Variants in AMPH observed in about 807,000 individuals in gnomAD.
AMPH encodes the protein amphiphysin, also known as amphiphysin (Stiff-Mann syndrome with breast cancer 128kD autoantigen).
In AMPH, 49 loss-of-function variants were observed where a neutral mutation model predicts 99.1. The ratio of observed to expected loss-of-function variants is 0.49; its 90% CI spans 0.39 to 0.63. The LOEUF is 0.63. Among genes scored for constraint, AMPH ranks in the 20% least tolerant of loss-of-function variants. The probability of loss-of-function intolerance (pLI) is 0.00; values close to 1 mark genes in which losing one functional copy is unlikely to be tolerated. For missense variants in AMPH, 759 were observed against 863.4 expected (o/e 0.88, Z 1.52); for synonymous variants, 314 against 317.3 (o/e 0.99, Z 0.11).
intron 1 of AMPH, among the ~76,000 whole-genome samples, chr7:38,546,094 G>A (rs1790987286): frequency 6.6e-6 from 1 of 152,146 alleles, no homozygotes; most frequent in Non-Finnish European, 1.5e-5. Flanking sequence ...GATTGCTCAA[G>A]AAGGAACTCT....
At chr7:38,414,834 T>G (rs948323846) in intron 17 of AMPH, among the ~76,000 whole-genome samples, 2 of 152,092 alleles carry the variant, frequency 1.3e-5, no homozygotes, top group African/African-American at 4.8e-5. Context: ...CAGGCTAATT[T>G]TTGTATTTTT....
At chr7:38,407,072 ATATATGTGTGTGTGTGTGTG>A (rs1260153669) in intron 17 of AMPH, among the ~76,000 whole-genome samples, 1 of 32,128 alleles carries the variant, frequency 3.1e-5, no homozygotes, top group East Asian at 1.3e-3. Context: ...ATATATATAT[ATATATGTGTGTGTGTGTGTG>A]TGTGTGTGTG....
At chr7:38,429,387 G>A (rs866482982) in intron 14 of AMPH, 4 of 1,291,116 alleles carry the variant, frequency 3.1e-6, no homozygotes, top group East Asian at 5.5e-5. Flanking sequence ...CTCTGTTTCG[G>A]AGGGACATGC....
At chr7:38,614,262 G>A (rs1179533261) in intron 1 of AMPH, among the ~76,000 whole-genome samples, 1 of 152,122 alleles carries the variant, frequency 6.6e-6, no homozygotes, top group African/African-American at 2.4e-5. Flanking sequence ...TGATACTGGG[G>A]GCAACCTGCA....
chr7:38,534,961 T>C lies in AMPH; in HGVS notation c.120A>G (p.Glu40=), dbSNP rs757844315. Residue 40 remains glutamate, a synonymous_variant, in exon 2 of 21, where the codon GAA becomes GAG. Coordinates refer to ENST00000356264, the MANE Select transcript of AMPH (RefSeq NM_001635.4). ...GCCGTTTGAAGTTCTGGACATATTC[T>C]TCGAACTGTTCGTCTTTTGTCTCAT... ...KADETKDEQF[E]EYVQNFKRQE... is the part of the protein sequence containing the mutation. 1.2e-6 allele frequency: 2 copies of C among 1,614,182 alleles called. No individual in the cohort carries two copies. Among genetic ancestry groups the C allele is most frequent in the Admixed American group, 1.7e-5 (1 of 60,030 alleles).
intron 1 of AMPH, among the ~76,000 whole-genome samples, chr7:38,627,158 T>C (rs1272269236): frequency 2.0e-5 from 3 of 152,072 alleles, no homozygotes; most frequent in Non-Finnish European, 4.4e-5. Context: ...ACCCGTGGTC[T>C]TGGCCCTTGC....
chr7:38,466,081 TC>T, intron 8 of AMPH, 91 bp downstream of exon 8: 1 of 1,015,570 alleles, frequency 9.8e-7, no homozygotes, highest in Non-Finnish European at 1.5e-6. Context: ...AAGGGTGAAT[TC>T]TTTGGATAAT....
intron 11 of AMPH, among the ~76,000 whole-genome samples, chr7:38,441,834 T>C (rs1310124091): frequency 3.4e-5 from 3 of 88,236 alleles, no homozygotes; most frequent in African/African-American, 9.9e-5. Context: ...ATCATATATA[T>C]CATATATCAT....
At chr7:38,516,364 A>G (rs1789741322) in intron 2 of AMPH, among the ~76,000 whole-genome samples, 1 of 152,186 alleles carries the variant, frequency 6.6e-6, no homozygotes, top group Non-Finnish European at 1.5e-5. Flanking sequence ...CTCCAGCTCC[A>G]GTCATGGTTA....
chr7:38,460,844 C>T (rs1787410746), intron 11 of AMPH, among the ~76,000 whole-genome samples: 1 of 152,130 alleles, frequency 6.6e-6, no homozygotes, highest in Non-Finnish European at 1.5e-5. Flanking sequence ...TTCAAAGTAG[C>T]TAGAAGAGAC....
chr7:38,468,717 T>C (rs1477034819), intron 7 of AMPH, among the ~76,000 whole-genome samples: 1 of 152,194 alleles, frequency 6.6e-6, no homozygotes, highest in African/African-American at 2.4e-5. Flanking sequence ...CCCTAGCACC[T>C]AGTACACGGC....
At chr7:38,471,909 C>G (rs1329195736) in intron 7 of AMPH, among the ~76,000 whole-genome samples, 2 of 152,002 alleles carry the variant, frequency 1.3e-5, no homozygotes, top group African/African-American at 4.8e-5. Context: ...AAAAAACAGT[C>G]AATCCATCAA....
At chr7:38,412,847 T>C (rs1295661501) in intron 17 of AMPH, among the ~76,000 whole-genome samples, 2 of 152,186 alleles carry the variant, frequency 1.3e-5, no homozygotes, top group African/African-American at 4.8e-5. Context: ...AAATTCCCTA[T>C]TCATTCACTG....
At chr7:38,397,475 C>T (rs572358734) in intron 17 of AMPH, among the ~76,000 whole-genome samples, 9 of 152,276 alleles carry the variant, frequency 5.9e-5, no homozygotes, top group African/African-American at 1.9e-4. Context: ...GGCAACGAAA[C>T]TGGACTCCTA....
rs1790063143 is a variant in AMPH, at chr7:38,523,838, G to A, written c.150+11093C>T. Reference sequence around the variant, plus strand: ...GAAGTAGCACTAGTGGATAAAACTAGTAGGTGACAGTTTGATGAGAAACAG... The same window carrying A: ...GAAGTAGCACTAGTGGATAAAACTAATAGGTGACAGTTTGATGAGAAACAG... On this transcript the variant is annotated intron_variant, in intron 2 of 20. Coordinates refer to ENST00000356264, the MANE Select transcript of AMPH (RefSeq NM_001635.4). 2.0e-5 allele frequency among the ~76,000 whole-genome samples: 3 copies of A among 152,074 alleles called. No homozygotes were observed. The South Asian group carries it at 6.2e-4, about 32-fold the overall frequency.
chr7:38,570,927 T>TATATATA (rs1791922285), intron 1 of AMPH, among the ~76,000 whole-genome samples: 1 of 20,056 alleles, frequency 5.0e-5, no homozygotes, highest in Non-Finnish European at 1.2e-4. Context: ...ACAAAAAAAT[T>TATATATA]TATATATATA....
At chr7:38,597,589 T>A (rs1187279386) in intron 1 of AMPH, among the ~76,000 whole-genome samples, 1 of 152,130 alleles carries the variant, frequency 6.6e-6, no homozygotes, top group Non-Finnish European at 1.5e-5. Flanking sequence ...TCTTTTTATT[T>A]TTTTCCACAA....
intron 2 of AMPH, among the ~76,000 whole-genome samples, chr7:38,523,752 T>C (rs1336497847): frequency 6.6e-6 from 1 of 152,088 alleles, no homozygotes; most frequent in Non-Finnish European, 1.5e-5. Flanking sequence ...AATTAATAAG[T>C]TTAGAAGGAA....
chr7:38,569,101 T>C (rs578012436), intron 1 of AMPH, among the ~76,000 whole-genome samples: 1 of 152,288 alleles, frequency 6.6e-6, no homozygotes, highest in East Asian at 1.9e-4. Flanking sequence ...AACATTACAC[T>C]TTTAAAATGA....
Sources: gnomAD v4.1 joint callset for allele counts (sites outside exome capture counted in the v4.1 genomes callset) on GRCh38, gnomAD v4.1.1 for gene constraint, MANE v1.5 for transcripts, NCBI Gene and HGNC (gene_info 2026-07-23, HGNC 2026-07-21) for gene names.